FOXP1: variants seen among roughly 807,000 people sequenced by gnomAD.
FOXP1 encodes forkhead box P1.
In FOXP1, 15 loss-of-function variants were observed where a neutral mutation model predicts 98.2. The ratio of observed to expected loss-of-function variants is 0.15; its 90% CI spans 0.10 to 0.24. FOXP1 has a LOEUF of 0.24. Among genes scored for constraint, FOXP1 ranks in the 10% least tolerant of loss-of-function variants. FOXP1 has a pLI of 1.00. For missense variants in FOXP1, 633 were observed against 848.5 expected, an observed-to-expected ratio of 0.75 and a Z score of 3.15; for synonymous variants, 371 against 314.5, an observed-to-expected ratio of 1.18 and a Z score of -1.90.
chr3:70,977,677 C>T lies in FOXP1; in HGVS notation c.1394G>A (p.Arg465Lys). 2 of 1,614,070 alleles carry T rather than the reference C, an allele frequency of 1.2e-6. No homozygotes were observed. Among genetic ancestry groups the T allele is most frequent in the African/African-American group, 1.3e-5 (1 of 75,030 alleles). The change falls in exon 16 of 21, where the codon AGA (arginine) becomes AAA (lysine). Residue 465 changes from arginine (R) to lysine (K), a missense_variant. By Grantham distance (26) the Arg-to-Lys change is conservative. This residue lies in a region of FOXP1 where 141 missense variants were observed against 199.5 expected (regional missense o/e 0.71). Coordinates refer to ENST00000649528, the MANE Select transcript of FOXP1 (RefSeq NM_001349338.3). The stretch of plus-strand genomic sequence containing the variant: ...TAAAGATGCATATGTAAATGGTGGT[C>T]TAACTTCTGCGTTCTTATAAAATTC... ...NQEFYKNAEV[R>K]PPFTYASLIR...
intron 2 of FOXP1, among the ~76,000 whole-genome samples, chr3:71,555,679 T>G (rs1486519448): frequency 6.6e-6 from 1 of 152,184 alleles, no homozygotes; most frequent in Non-Finnish European, 1.5e-5. Context: ...CCAGGGTCCA[T>G]GCATATAATC....
intron 6 of FOXP1, among the ~76,000 whole-genome samples, chr3:71,168,652 A>G (rs2061498650): frequency 6.6e-6 from 1 of 152,248 alleles, no homozygotes. Flanking sequence ...AACCAGAATG[A>G]AATAACTGCT....
At chr3:71,249,129 G>C (rs2067989519) in intron 5 of FOXP1, among the ~76,000 whole-genome samples, 1 of 152,264 alleles carries the variant, frequency 6.6e-6, no homozygotes, top group South Asian at 2.1e-4. Context: ...TTAGAGTCAT[G>C]TGGATGCCAG....
intron 4 of FOXP1, among the ~76,000 whole-genome samples, chr3:71,326,414 T>C (rs2075694280): frequency 6.6e-6 from 1 of 152,116 alleles, no homozygotes; most frequent in African/African-American, 2.4e-5. Context: ...AAGCTCCCAA[T>C]GATGGCCAAA....
At chr3:71,548,754 C>T (rs2045555773) in intron 2 of FOXP1, among the ~76,000 whole-genome samples, 1 of 151,656 alleles carries the variant, frequency 6.6e-6, no homozygotes, top group Non-Finnish European at 1.5e-5. Flanking sequence ...TGAAACCAGA[C>T]TTGGCCTTTA....
At chr3:71,151,614 T>C (rs2060576089) in intron 6 of FOXP1, among the ~76,000 whole-genome samples, 1 of 151,512 alleles carries the variant, frequency 6.6e-6, no homozygotes, top group Non-Finnish European at 1.5e-5. Flanking sequence ...GTCCAGTAGT[T>C]TGGCAAAATG....
intron 3 of FOXP1, among the ~76,000 whole-genome samples, chr3:71,411,097 T>C (rs1205448717): frequency 6.6e-6 from 1 of 152,210 alleles, no homozygotes; most frequent in African/African-American, 2.4e-5. Flanking sequence ...GGATATAAAA[T>C]AACTTTTAAA....
intron 4 of FOXP1, among the ~76,000 whole-genome samples, chr3:71,331,705 G>C (rs968287913): frequency 6.7e-5 from 10 of 148,760 alleles, no homozygotes; most frequent in African/African-American, 2.5e-4. Context: ...TGGACCAATC[G>C]GCACTCTGCA....
chr3:71,446,236 C>T (rs1267545240), intron 3 of FOXP1, among the ~76,000 whole-genome samples: 1 of 151,974 alleles, frequency 6.6e-6, no homozygotes, highest in Non-Finnish European at 1.5e-5. Context: ...TTGTGGGCAC[C>T]CTTGATTTTT....
intron 3 of FOXP1, among the ~76,000 whole-genome samples, chr3:71,465,091 T>C (rs1295457534): frequency 6.6e-6 from 1 of 152,046 alleles, no homozygotes; most frequent in Non-Finnish European, 1.5e-5. Flanking sequence ...GCGGATCACC[T>C]GAGGTCAGGA....
intron 2 of FOXP1, among the ~76,000 whole-genome samples, chr3:71,500,489 G>A (rs1020581708): frequency 6.6e-6 from 1 of 152,074 alleles, no homozygotes; most frequent in Non-Finnish European, 1.5e-5. Flanking sequence ...TCATCCTGCT[G>A]GCTTCAGAAC....
intron 2 of FOXP1, among the ~76,000 whole-genome samples, chr3:71,564,162 C>T (rs767394711): frequency 7.2e-5 from 11 of 152,300 alleles, no homozygotes; most frequent in Admixed American, 1.3e-4. Context: ...AACACAAACC[C>T]CAAAACACAG....
At chr3:71,441,278 TGTCTGGAGACA>T (rs1450716513) in intron 3 of FOXP1, among the ~76,000 whole-genome samples, 1 of 152,226 alleles carries the variant, frequency 6.6e-6, no homozygotes, top group African/African-American at 2.4e-5. Flanking sequence ...CATGTGGAAA[TGTCTGGAGACA>T]GTCTTGGTTG....
At chr3:71,507,455 TATG>T (rs1165305891) in intron 2 of FOXP1, among the ~76,000 whole-genome samples, 1 of 152,150 alleles carries the variant, frequency 6.6e-6, no homozygotes, top group African/African-American at 2.4e-5. Flanking sequence ...TTCTGATTCA[TATG>T]ATAATGAAAT....
At chr3:71,259,241 G>A (rs2068894185) in intron 5 of FOXP1, among the ~76,000 whole-genome samples, 2 of 152,302 alleles carry the variant, frequency 1.3e-5, no homozygotes, top group South Asian at 4.1e-4. Flanking sequence ...ACCCAGAAGA[G>A]CCCAAGCTTA....
At chr3:71,500,488 T>C (rs6779258) in intron 2 of FOXP1, among the ~76,000 whole-genome samples, 52,282 of 152,000 alleles carry the variant, frequency 0.34, 9,854 homozygotes, top group Non-Finnish European at 0.43. Flanking sequence ...ATCATCCTGC[T>C]GGCTTCAGAA....
intron 2 of FOXP1, among the ~76,000 whole-genome samples, chr3:71,577,441 GAA>G (rs75549115): frequency 7.1e-6 from 1 of 139,886 alleles, no homozygotes; most frequent in Non-Finnish European, 1.6e-5. Flanking sequence ...AACGTCCCAG[GAA>G]AAAAAAAAAA....
intron 5 of FOXP1, among the ~76,000 whole-genome samples, chr3:71,213,322 A>C (rs1227953679): frequency 6.6e-6 from 1 of 152,228 alleles, no homozygotes; most frequent in Non-Finnish European, 1.5e-5. Flanking sequence ...GCATCTGCCT[A>C]TTTACATTCA....
chr3:71,460,437 TTTG>T (rs1056508953), intron 3 of FOXP1, among the ~76,000 whole-genome samples: 2 of 151,472 alleles, frequency 1.3e-5, no homozygotes, highest in Non-Finnish European at 2.9e-5. Context: ...TTCGTTTTTT[TTTG>T]TTGTTGTTGT....
Sources: gnomAD v4.1 joint callset for allele counts (sites outside exome capture counted in the v4.1 genomes callset) on GRCh38, gnomAD v4.1.1 for gene constraint, gnomAD v4.1.1 regional missense constraint, MANE v1.5 for transcripts, NCBI Gene and HGNC (gene_info 2026-07-23, HGNC 2026-07-21) for gene names.